GPR83: variants seen among roughly 807,000 people sequenced by gnomAD.
GPR83 encodes the protein G-protein coupled receptor 72.
A neutral mutation model predicts 28.0 loss-of-function variants in GPR83; 23 were observed. That is an observed-to-expected ratio of 0.82 (90% CI 0.59 to 1.16). GPR83 has a LOEUF of 1.16. GPR83 is among the 50% of genes most tolerant of loss of function. GPR83 has a pLI of 0.00. For synonymous variants in GPR83, 234 were observed against 215.4 expected (o/e 1.09, Z -0.76); for missense variants, 610 against 536.6 (o/e 1.14, Z -1.35).
At chr11:94,396,295 C>T in intron 2 of GPR83, 104 bp downstream of exon 2, 1 of 1,025,836 alleles carries the variant, frequency 9.7e-7, no homozygotes, top group East Asian at 2.4e-5. Flanking sequence ...GAGAAACACA[C>T]TCATTGAAAA....
At position 94,401,321 on chromosome 11, in the gene GPR83, C is replaced by T. The variant is rs1944910446; in HGVS notation, c.-74G>A. 4.2e-6 allele frequency: 6 copies of T among 1,417,092 alleles called. No homozygotes were observed. In the South Asian group the frequency reaches 7.0e-5, roughly 17 times the overall value. The allele number at this position is 1,417,092 out of a possible 1,614,324, so 87.8% of individuals were successfully genotyped here. On this transcript the variant is annotated 5_prime_UTR_variant, in exon 1 of 4. Coordinates refer to ENST00000243673, the MANE Select transcript of GPR83 (RefSeq NM_016540.4). ...TCCCGCTGGGATCGGAGCGCGCAGC[C>T]GGGGTGCGGGGCGCACAGCATACAA...
Position 94,386,666 on chromosome 11 carries a change from G to A in GPR83, c.648-5893C>T, listed in dbSNP as rs1270448665. The stretch of plus-strand genomic sequence containing the variant: ...TATGCACCCAATACAGGAGCACCCA[G>A]ATTCATAAAGCAAGTCCTTAGAGAC... On this transcript the variant is annotated intron_variant, in intron 3 of 3. Coordinates refer to ENST00000243673, the MANE Select transcript of GPR83 (RefSeq NM_016540.4). 1.3e-5 allele frequency among the ~76,000 whole-genome samples: 2 copies of A among 152,168 alleles called. 1 individual carries two copies.
chr11:94,379,817 G>A lies in GPR83; in HGVS notation c.*332C>T, dbSNP rs1944665803. The A allele has an allele frequency of 1.0e-5, 2 of 194,320 alleles. No homozygotes were observed. The highest frequency in any genetic ancestry group is 4.6e-5 in the African/African-American group (2 of 43,110). 12.0% of individuals were successfully genotyped at this position (194,320 alleles called of 1,614,324 possible). ...TGCTCAGCAGTAGGAAGGGCTGTAAGGCAGCAGCTGCCCCACAGATGGAGG... is the reference window on the plus strand; with the variant it reads ...TGCTCAGCAGTAGGAAGGGCTGTAAAGCAGCAGCTGCCCCACAGATGGAGG... On this transcript the variant is annotated 3_prime_UTR_variant, in exon 4 of 4. Transcript: ENST00000243673.
intron 3 of GPR83, among the ~76,000 whole-genome samples, chr11:94,384,966 T>C (rs1944734811): frequency 6.6e-6 from 1 of 152,072 alleles, no homozygotes; most frequent in South Asian, 2.1e-4. Flanking sequence ...CAGACTGACA[T>C]CTCACATGGC....
At chr11:94,380,984 C>T (rs1051153474) in intron 3 of GPR83, among the ~76,000 whole-genome samples, 2 of 152,146 alleles carry the variant, frequency 1.3e-5, no homozygotes, top group Non-Finnish European at 2.9e-5. Context: ...AATAATACAC[C>T]TGAATTTCTC....
In GPR83 at chr11:94,379,519, T is replaced by A. The variant is rs745326673; in HGVS notation, c.*630A>T. The A allele has an allele frequency of 2.0e-5, 3 of 152,186 alleles. No homozygotes were observed. Among genetic ancestry groups the A allele is most frequent in the Non-Finnish European group, 4.4e-5 (3 of 68,056 alleles). The allele number at this position is 152,186 out of a possible 1,614,324, so 9.4% of individuals were successfully genotyped here. On this transcript the variant is annotated 3_prime_UTR_variant, in exon 4 of 4. Transcript: ENST00000243673. ...AAGAGAGTGATTTTGTGTGTGTGTA[T>A]GTGAGTGTGTGCTTTTCTGAATTTT...
rs556771975 is a variant in GPR83, at chr11:94,390,355, T to A, written c.647+3130A>T. ...AAAAGAAAGATTTATGACAAACCCA[T>A]AGCCAATATCATAATGAGTGAACAA... is the stretch of plus-strand genomic sequence containing the variant. On this transcript the variant is annotated intron_variant, in intron 3 of 3. Coordinates refer to ENST00000243673, the MANE Select transcript of GPR83 (RefSeq NM_016540.4). Among the ~76,000 whole-genome samples the A allele has an allele frequency of 1.1e-4, 17 of 151,690 alleles. No homozygotes were observed. The South Asian group carries it at 2.7e-3, about 24-fold the overall frequency.
intron 3 of GPR83, among the ~76,000 whole-genome samples, chr11:94,389,719 G>A (rs1229913542): frequency 6.6e-6 from 1 of 152,222 alleles, no homozygotes; most frequent in Non-Finnish European, 1.5e-5. Flanking sequence ...GACACTGTTG[G>A]TGGGACTGTA....
intron 3 of GPR83, among the ~76,000 whole-genome samples, chr11:94,387,601 A>T (rs1944773463): frequency 6.6e-6 from 1 of 152,236 alleles, no homozygotes; most frequent in African/African-American, 2.4e-5. Context: ...TTTCCTCGAC[A>T]CATACACCCT....
At chr11:94,389,382 C>A (rs1176622742) in intron 3 of GPR83, among the ~76,000 whole-genome samples, 2 of 152,158 alleles carry the variant, frequency 1.3e-5, no homozygotes, top group East Asian at 1.9e-4. Flanking sequence ...TCAGAGTGAA[C>A]AGGCAACTTA....
At chr11:94,398,357 C>T (rs1426147950) in intron 1 of GPR83, among the ~76,000 whole-genome samples, 1 of 152,206 alleles carries the variant, frequency 6.6e-6, no homozygotes, top group Non-Finnish European at 1.5e-5. Flanking sequence ...GCCCACTCCT[C>T]CGCTGTGCTT....
chr11:94,383,839 T>G (rs1467168490), intron 3 of GPR83, among the ~76,000 whole-genome samples: 1 of 152,114 alleles, frequency 6.6e-6, no homozygotes, highest in African/African-American at 2.4e-5. Context: ...AGGCAGTAAT[T>G]AATAGCCTAC....
chr11:94,397,737 C>T (rs1256915133), intron 1 of GPR83, among the ~76,000 whole-genome samples: 2 of 152,188 alleles, frequency 1.3e-5, no homozygotes, highest in Admixed American at 6.6e-5. Flanking sequence ...ACATATGAGA[C>T]ATTTGAACTG....
chr11:94,396,310 G>A, intron 2 of GPR83, 89 bp downstream of exon 2: 1 of 1,269,496 alleles, frequency 7.9e-7, no homozygotes, highest in Admixed American at 1.7e-5. Context: ...TGAAAACTGG[G>A]CTAAAACACT....
chr11:94,383,150 CAAACAAAAAAAGAA>C (rs1402240512), intron 3 of GPR83, among the ~76,000 whole-genome samples: 17 of 142,390 alleles, frequency 1.2e-4, no homozygotes, highest in Admixed American at 9.2e-4. Context: ...GACTCCGTCT[CAAACAAAAAAAGAA>C]AAAAAAAAAA....
At chr11:94,387,585 G>A (rs1591603592) in intron 3 of GPR83, among the ~76,000 whole-genome samples, 1 of 152,184 alleles carries the variant, frequency 6.6e-6, no homozygotes, top group African/African-American at 2.4e-5. Context: ...TGGAAGAAAT[G>A]GATAATTTCC....
intron 3 of GPR83, among the ~76,000 whole-genome samples, chr11:94,389,830 G>A (rs143182646): frequency 0.022 from 3,276 of 152,164 alleles, 133 homozygotes; most frequent in African/African-American, 0.075. Flanking sequence ...GTATATACCC[G>A]AAGGATTATA....
At position 94,380,267 on chromosome 11, in the gene GPR83, C is replaced by G; in HGVS notation, c.1154G>C (p.Trp385Ser). The change falls in exon 4 of 4, where the codon TGG becomes TCG. Residue 385 changes from tryptophan (W) to serine (S), a missense_variant. Transcript: ENST00000243673. The part of the protein sequence containing the change: ...PSPVPSFRVA[W>S]TEKNDGQRAP... ...CCTCTGGCCATCATTCTTCTCTGTCCAGGCCACCCTGAAGGAAGGAACTGG... is the reference window on the plus strand; with the variant it reads ...CCTCTGGCCATCATTCTTCTCTGTCGAGGCCACCCTGAAGGAAGGAACTGG... 6.4e-7 allele frequency: 1 copy of G among 1,571,660 alleles called. No individual in the cohort carries two copies.
chr11:94,395,329 G>A (rs747227720), intron 2 of GPR83, among the ~76,000 whole-genome samples: 13 of 152,144 alleles, frequency 8.5e-5, no homozygotes, highest in Non-Finnish European at 1.8e-4. Context: ...CTCCTATCCC[G>A]TGGTCCTTGC....
Sources: allele counts gnomAD v4.1 joint callset (sites outside exome capture counted in the v4.1 genomes callset), GRCh38; gene constraint gnomAD v4.1.1; transcripts MANE v1.5; gene names NCBI Gene and HGNC (gene_info 2026-07-23, HGNC 2026-07-21).